ALOX12B: variants seen among roughly 807,000 people sequenced by gnomAD.
ALOX12B encodes arachidonate 12-lipoxygenase, 12R-type.
A neutral mutation model predicts 78.9 loss-of-function variants in ALOX12B; 47 were observed. The ratio of observed to expected loss-of-function variants is 0.60; its 90% CI spans 0.47 to 0.76. ALOX12B has a LOEUF of 0.76. Ranked by LOEUF, ALOX12B falls within the 30% of genes least tolerant of loss-of-function variation. ALOX12B has a pLI of 0.00. For missense variants in ALOX12B, 805 were observed against 922.6 expected, an observed-to-expected ratio of 0.87 and a Z score of 1.65; for synonymous variants, 370 against 374.5, an observed-to-expected ratio of 0.99 and a Z score of 0.14.
rs1598180443 is a variant in ALOX12B, at chr17:8,079,580, C to G, written c.928-41G>C. 1.3e-6 allele frequency: 2 copies of G among 1,547,644 alleles called. No individual in the cohort carries two copies. Among genetic ancestry groups the G allele is most frequent in the East Asian group, 4.9e-5 (2 of 40,852 alleles). On this transcript the variant is annotated intron_variant, in intron 7 of 14. Transcript: ENST00000647874. This position sits in a 1 kb window ranked among gnomAD's most constrained non-coding sequence, Gnocchi z 6.4. Reference sequence around the variant, plus strand: ...GATGGGTGGCAAGTAGGCACCCACACGGGAAGCCCGTGACCCGCGCCGCAG... The same window carrying G: ...GATGGGTGGCAAGTAGGCACCCACAGGGGAAGCCCGTGACCCGCGCCGCAG...
In ALOX12B at chr17:8,076,235, T is replaced by C. The variant is rs1977077400; in HGVS notation, c.1472A>G (p.Gln491Arg). The C allele has an allele frequency of 1.2e-6, 2 of 1,614,048 alleles. No individual in the cohort carries two copies. The highest frequency in any genetic ancestry group is 1.7e-6 in the Non-Finnish European group (2 of 1,180,032). ...GCGGTAGTAATATCCAGGCAGGTCC[T>C]GGACCCCACGCTCCACAAAGTCATT... is the stretch of plus-strand genomic sequence containing the variant. ...LPNDFVERGV[Q>R]DLPGYYYRDD... The change falls in exon 11 of 15, where the codon CAG (glutamine) becomes CGG (arginine). Residue 491 changes from glutamine to arginine, a missense_variant. Coordinates refer to ENST00000647874, the MANE Select transcript of ALOX12B (RefSeq NM_001139.3).
At chr17:8,081,473 A>G (rs887699597) in intron 2 of ALOX12B, 7 of 487,300 alleles carry the variant, frequency 1.4e-5, no homozygotes, top group Non-Finnish European at 2.7e-5. Context: ...CTATAAATTC[A>G]TGGAGTACAA....
rs1390701430 is a variant in ALOX12B, at chr17:8,076,786, GC to G, written c.1276-44del. 9 of 1,532,046 alleles carry G rather than the reference GC, an allele frequency of 5.9e-6. No individual in the cohort carries two copies. The East Asian group carries it at 1.2e-4, about 21-fold the overall frequency. 94.9% of individuals were successfully genotyped at this position (1,532,046 alleles called of 1,614,324 possible). The stretch of plus-strand genomic sequence containing the variant: ...AGGATGAAGAGAGAGGGCTGAAGTG[GC>G]CCCCAAAGGAGCTCAGCTCCCCATT... On this transcript the variant is annotated intron_variant, in intron 9 of 14. Coordinates refer to ENST00000647874, the MANE Select transcript of ALOX12B (RefSeq NM_001139.3).
chr17:8,086,975 G>C (rs938179560), intron 1 of ALOX12B, among the ~76,000 whole-genome samples: 11 of 152,084 alleles, frequency 7.2e-5, no homozygotes, highest in Non-Finnish European at 4.4e-5. Flanking sequence ...AAAAGGATGG[G>C]GAGGGAGATG....
At chr17:8,074,708 C>G (rs1385994624) in intron 12 of ALOX12B, among the ~76,000 whole-genome samples, 1 of 152,192 alleles carries the variant, frequency 6.6e-6, no homozygotes, top group Non-Finnish European at 1.5e-5. Context: ...GGCTGTGCAG[C>G]CTGGCCGTGG....
Position 8,073,737 on chromosome 17 carries a change from T to C in ALOX12B, c.1675A>G (p.Thr559Ala), listed in dbSNP as rs1223088242. 6.2e-7 allele frequency: 1 copy of C among 1,614,024 alleles called. No homozygotes were observed. Among genetic ancestry groups the C allele is most frequent in the Middle Eastern group, 1.6e-4 (1 of 6,062 alleles). Residue 559 changes from threonine (T) to alanine (A), a missense_variant, in exon 13 of 15, where the codon ACC becomes GCC. By Grantham distance (58) the Thr-to-Ala change is moderately conservative (BLOSUM62 0). Coordinates refer to ENST00000647874, the MANE Select transcript of ALOX12B (RefSeq NM_001139.3). ...ESSGFPRCLR[T>A]VPELIRYVTI... ...ACATATCGGATCAGCTCAGGCACGG[T>C]TCGCAAGCACCTAGGGAAGCCTGAC...
chr17:8,081,285 G>C, intron 2 of ALOX12B, 98 bp from the exon 3 acceptor site: 1 of 1,264,248 alleles, frequency 7.9e-7, no homozygotes, highest in East Asian at 2.4e-5. Context: ...TCGTCTCTGG[G>C]GGGGCCCATG....
chr17:8,074,010 C>T (rs554843145), intron 12 of ALOX12B, among the ~76,000 whole-genome samples: 6 of 152,294 alleles, frequency 3.9e-5, no homozygotes, highest in African/African-American at 1.4e-4. Flanking sequence ...TAACCAGTGG[C>T]CCTCAGATCT....
intron 3 of ALOX12B, 36 bp downstream of exon 3, chr17:8,081,070 T>C (rs1977207408): frequency 6.2e-7 from 1 of 1,612,022 alleles, no homozygotes; most frequent in Non-Finnish European, 8.5e-7. Flanking sequence ...CCTGGACCCC[T>C]GCCGGGCGCC....
rs192998911 is a variant in ALOX12B, at chr17:8,085,931, T to C, written c.352+85A>G. On this transcript the variant is annotated intron_variant, in intron 2 of 14. Transcript: ENST00000647874. ...GGGGCTGGGCCCCCCTCTGGCTTGA[T>C]GGGAGCCTGGGTGCCATGCCAGGGT... 3.0e-5 allele frequency: 46 copies of C among 1,522,242 alleles called. No individual in the cohort carries two copies. In the Admixed American group the frequency reaches 5.2e-4, roughly 17 times the overall value. The allele number at this position is 1,522,242 out of a possible 1,614,324, so 94.3% of individuals were successfully genotyped here.
intron 1 of ALOX12B, 60 bp from the exon 2 acceptor site, chr17:8,086,280 C>G: frequency 6.4e-7 from 1 of 1,556,156 alleles, no homozygotes; most frequent in Non-Finnish European, 8.8e-7. Context: ...CCAGGCCGCC[C>G]ACCCCTCTGG....
rs1469177020 is a variant in ALOX12B at position 8,087,227 on chromosome 17, GACACACACAGACACACACACAC to G, written c.147+47_147+68del. On this transcript the variant is annotated intron_variant, in intron 1 of 14. Coordinates refer to ENST00000647874, the MANE Select transcript of ALOX12B (RefSeq NM_001139.3). The stretch of plus-strand genomic sequence containing the variant: ...CCACAAAGACACACAGACACACACA[GACACACACAGACACACACACAC>G]ACACACACAGACACACACACACACA... 2.2e-5 allele frequency: 31 copies of G among 1,431,924 alleles called. No individual in the cohort carries two copies. In the East Asian group the frequency reaches 4.2e-4, roughly 19 times the overall value. The allele number at this position is 1,431,924 out of a possible 1,614,324, so 88.7% of individuals were successfully genotyped here.
chr17:8,084,100 G>A (rs1978290845), intron 2 of ALOX12B, among the ~76,000 whole-genome samples: 1 of 151,972 alleles, frequency 6.6e-6, no homozygotes, highest in South Asian at 2.1e-4. Context: ...GGAGGTTGCA[G>A]TGAGCCGAGA....
chr17:8,074,770 G>T (rs73239937), intron 12 of ALOX12B, among the ~76,000 whole-genome samples: 7,451 of 152,162 alleles, frequency 0.049, 452 homozygotes, highest in African/African-American at 0.14. Flanking sequence ...CCCACCCTAA[G>T]CTCCAGTTGC....
chr17:8,083,424 GT>G lies in ALOX12B; in HGVS notation c.353-2238del, dbSNP rs374000800. 6.7e-3 allele frequency among the ~76,000 whole-genome samples: 1,024 copies of G among 152,266 alleles called. 20 individuals carry two copies. Among genetic ancestry groups the G allele is most frequent in the African/African-American group, 0.022 (934 of 41,546 alleles). On this transcript the variant is annotated intron_variant, in intron 2 of 14. Coordinates refer to ENST00000647874, the MANE Select transcript of ALOX12B (RefSeq NM_001139.3). ...GGGCTGCTTCTGACCACCAACAGTT[GT>G]TAAGCCTTTTAAAATTCTGTTCAGG...
At position 8,072,886 on chromosome 17, in the gene ALOX12B, G is replaced by T; in HGVS notation, c.1991C>A (p.Ala664Glu). ...GATCTGGTTCAGGCGCTGGCGGAACGCCTCTATGCTCCTCCGCGGGGCCTC... is the reference window on the plus strand; with the variant it reads ...GATCTGGTTCAGGCGCTGGCGGAACTCCTCTATGCTCCTCCGCGGGGCCTC... ...VEEAPRRSIEAFRQRLNQISH... is the reference protein window; with the variant it reads ...VEEAPRRSIEEFRQRLNQISH... Residue 664 changes from alanine (A) to glutamate (E), a missense_variant, in exon 15 of 15, where the codon GCG becomes GAG. Physicochemically the swap from Ala to Glu is moderately radical, Grantham distance 107. Transcript: ENST00000647874. 6.2e-7 allele frequency: 1 copy of T among 1,614,170 alleles called. No individual in the cohort carries two copies. The highest frequency in any genetic ancestry group is 2.2e-5 in the East Asian group (1 of 44,876).
At position 8,079,504 on chromosome 17, in the gene ALOX12B, C is replaced by A. The variant is rs1226173095; in HGVS notation, c.963G>T (p.Met321Ile). The change falls in exon 8 of 15, where the codon ATG (methionine) becomes ATT (isoleucine). Residue 321 changes from methionine (M) to isoleucine (I), a missense_variant. Coordinates refer to ENST00000647874, the MANE Select transcript of ALOX12B (RefSeq NM_001139.3). This position sits in a 1 kb window ranked among gnomAD's most constrained non-coding sequence, Gnocchi z 6.4. ...TGAGCTCCACGGTGGGGATGCCCTCCATGATGCGGTAGTCGGCCAGGTAAA... is the reference window on the plus strand; with the variant it reads ...TGAGCTCCACGGTGGGGATGCCCTCAATGATGCGGTAGTCGGCCAGGTAAA... The part of the protein sequence containing the change: ...GNIYLADYRI[M>I]EGIPTVELSG... 4.5e-6 allele frequency: 7 copies of A among 1,550,838 alleles called. No individual in the cohort carries two copies. Among genetic ancestry groups the A allele is most frequent in the Middle Eastern group, 1.7e-4 (1 of 5,962 alleles).
Position 8,086,211 on chromosome 17 carries a change from A to G in ALOX12B, c.157T>C (p.Tyr53His), listed in dbSNP as rs1231568614. Residue 53 changes from tyrosine (Y) to histidine (H), a missense_variant, in exon 2 of 15, where the codon TAC (tyrosine) becomes CAC (histidine). Tyr to His is a moderately conservative substitution (Grantham distance 83, BLOSUM62 2). Transcript: ENST00000647874. ...RDFATGAVGQYTVQCPQDLGE... is the reference protein window; with the variant it reads ...RDFATGAVGQHTVQCPQDLGE... Reference sequence around the variant, plus strand: ...AGGTCCTGAGGGCACTGCACGGTGTACTGGCCCACCTAGGCAGGATGCAAG... The same window carrying G: ...AGGTCCTGAGGGCACTGCACGGTGTGCTGGCCCACCTAGGCAGGATGCAAG... 6.2e-7 allele frequency: 1 copy of G among 1,613,976 alleles called. No individual in the cohort carries two copies. Among genetic ancestry groups the G allele is most frequent in the Admixed American group, 1.7e-5 (1 of 60,018 alleles).
At position 8,086,189 on chromosome 17, in the gene ALOX12B, T is replaced by A. The variant is rs1314147344; in HGVS notation, c.179A>T (p.Asp60Val). Residue 60 changes from aspartate (D) to valine (V), a missense_variant, in exon 2 of 15, where the codon GAC becomes GTC. Asp to Val is a radical substitution (Grantham distance 152). Coordinates refer to ENST00000647874, the MANE Select transcript of ALOX12B (RefSeq NM_001139.3). ...GCGGATGATGATGAGCTCACCCAGG[T>A]CCTGAGGGCACTGCACGGTGTACTG... ...VGQYTVQCPQDLGELIIIRLH... is the reference protein window; with the variant it reads ...VGQYTVQCPQVLGELIIIRLH... The A allele has an allele frequency of 6.2e-7, 1 of 1,613,898 alleles. No individual in the cohort carries two copies. Among genetic ancestry groups the A allele is most frequent in the Admixed American group, 1.7e-5 (1 of 59,994 alleles).
Sources: gnomAD v4.1 joint callset for allele counts (sites outside exome capture counted in the v4.1 genomes callset) on GRCh38, gnomAD v4.1.1 for gene constraint, Gnocchi (gnomAD v3.1) non-coding constraint, MANE v1.5 for transcripts, NCBI Gene and HGNC (gene_info 2026-07-23, HGNC 2026-07-21) for gene names.